The following AHCTF1 variants were observed in gnomAD, a reference collection of about 807,000 sequenced individuals.
The protein encoded by AHCTF1 is AT-hook containing transcription factor 1, also known as protein ELYS.
A neutral mutation model predicts 248.4 loss-of-function variants in AHCTF1; 24 were observed. That is an observed-to-expected ratio of 0.10 (90% CI 0.07 to 0.14). The LOEUF is 0.14. AHCTF1 is among the 10% of genes least tolerant of loss of function. AHCTF1 has a pLI of 1.00. For missense variants in AHCTF1, 2,206 were observed against 2,636.2 expected (o/e 0.84, Z 3.57); for synonymous variants, 786 against 929.8 (o/e 0.85, Z 2.81).
Position 246,877,042 on chromosome 1 carries a change from G to T in AHCTF1, c.2845C>A (p.Gln949Lys). The T allele has an allele frequency of 6.2e-7, 1 of 1,612,138 alleles. No homozygotes were observed. The highest frequency in any genetic ancestry group is 1.1e-5 in the South Asian group (1 of 90,982). The change falls in exon 23 of 36, where the codon CAG becomes AAG. Residue 949 changes from glutamine to lysine, a missense_variant. Gln to Lys is a moderately conservative substitution (Grantham distance 53, BLOSUM62 1). Around this residue, in one of 6 missense-constraint regions of AHCTF1, gnomAD observed 955 missense variants for 1,055.6 expected, o/e 0.90. Coordinates refer to ENST00000648844, the MANE Select transcript of AHCTF1 (RefSeq NM_001323342.2). ...VKFLQSSASV[Q>K]NHEFLLVHHL... ...TGCACTAAAAGGAATTCATGATTCT[G>T]AACGCTGGCACTGGACTGCAAAAAT...
chr1:246,922,076 A>G (rs1315723737), intron 1 of AHCTF1, among the ~76,000 whole-genome samples: 1 of 152,202 alleles, frequency 6.6e-6, no homozygotes, highest in Non-Finnish European at 1.5e-5. Flanking sequence ...AAACATATAC[A>G]GGGCTGGGCA....
At chr1:246,931,517 C>T (rs948899901) in intron 1 of AHCTF1, 61 bp downstream of exon 1, 6 of 398,388 alleles carry the variant, frequency 1.5e-5, no homozygotes, top group African/African-American at 2.3e-5. Context: ...CGCCGCGGGT[C>T]CAGGCCGCGC....
At chr1:246,917,633 G>A (rs1394618654) in intron 2 of AHCTF1, among the ~76,000 whole-genome samples, 2 of 152,320 alleles carry the variant, frequency 1.3e-5, no homozygotes, top group East Asian at 3.9e-4. Context: ...ACATTCAAGA[G>A]AATGGCGCTG....
chr1:246,910,675 C>A (rs544247738), intron 4 of AHCTF1, among the ~76,000 whole-genome samples: 19 of 152,224 alleles, frequency 1.2e-4, no homozygotes, highest in Admixed American at 4.6e-4. Flanking sequence ...AACCACTGTG[C>A]AAGAGCAGAT....
chr1:246,885,734 A>G, intron 20 of AHCTF1, 54 bp from the exon 21 acceptor site: 18 of 1,483,502 alleles, frequency 1.2e-5, no homozygotes, highest in East Asian at 2.5e-5. Context: ...ACATTTAGAC[A>G]AAGTAGGTAA....
chr1:246,916,459 G>A (rs1244633857), intron 2 of AHCTF1, 64 bp from the exon 3 acceptor site: 2 of 1,421,112 alleles, frequency 1.4e-6, no homozygotes, highest in Non-Finnish European at 1.9e-6. Flanking sequence ...ATAACGGTTA[G>A]CTCATTTACA....
At position 246,864,269 on chromosome 1, in the gene AHCTF1, T is replaced by C. The variant is rs1005734143; in HGVS notation, c.3348-153A>G. 1.1e-4 allele frequency: 81 copies of C among 750,406 alleles called. No homozygotes were observed. In the African/African-American group the frequency reaches 1.2e-3, roughly 11 times the overall value. The allele number at this position is 750,406 out of a possible 1,614,324, so 46.5% of individuals were successfully genotyped here. ...ATGTAATCCAAAGTGCTACCATGCA[T>C]TCAAAAAGTCAGAAAATTATTCATC... is the stretch of plus-strand genomic sequence containing the variant. On this transcript the variant is annotated intron_variant, in intron 26 of 35. Transcript: ENST00000648844.
chr1:246,867,771 A>G lies in AHCTF1; in HGVS notation c.3129T>C (p.Val1043=), dbSNP rs1662092603. Residue 1043 remains valine (V), a synonymous_variant, in exon 25 of 36, where the codon GTT becomes GTC. Coordinates refer to ENST00000648844, the MANE Select transcript of AHCTF1 (RefSeq NM_001323342.2). ...PKPLSAVPKQ[V]VTGTVLTRSV... Reference sequence around the variant, plus strand: ...ATCTTGTCAACACAGTTCCTGTTACAACTTGCTTTGGAACTGCTGATAATG... The same window carrying G: ...ATCTTGTCAACACAGTTCCTGTTACGACTTGCTTTGGAACTGCTGATAATG... 2 of 1,612,822 alleles carry G rather than the reference A, an allele frequency of 1.2e-6. No individual in the cohort carries two copies. The highest frequency in any genetic ancestry group is 1.7e-6 in the Non-Finnish European group (2 of 1,179,392).
intron 2 of AHCTF1, among the ~76,000 whole-genome samples, chr1:246,917,849 C>T (rs535063943): frequency 6.6e-6 from 1 of 152,086 alleles, no homozygotes. Flanking sequence ...AATCAGAAAA[C>T]GAGATTTTCT....
intron 23 of AHCTF1, 68 bp from the exon 24 acceptor site, chr1:246,876,255 C>T (rs1167240020): frequency 2.3e-6 from 3 of 1,322,502 alleles, no homozygotes; most frequent in African/African-American, 1.5e-5. Flanking sequence ...TCTATATTTA[C>T]CATTTAAAAT....
intron 6 of AHCTF1, among the ~76,000 whole-genome samples, chr1:246,904,342 A>T (rs1453383156): frequency 6.6e-6 from 1 of 152,176 alleles, no homozygotes; most frequent in Non-Finnish European, 1.5e-5. Context: ...ACTCTACTTA[A>T]ACACATGGTT....
rs559302152 is a variant in AHCTF1 at position 246,891,219 on chromosome 1, T to C, written c.1946-159A>G. ...TATGTATCTCTCTTGAACTAATTCA[T>C]CTTTGTATTTAGTTTACTTTGGTCC... On this transcript the variant is annotated intron_variant, in intron 15 of 35. Coordinates refer to ENST00000648844, the MANE Select transcript of AHCTF1 (RefSeq NM_001323342.2). Among the ~76,000 whole-genome samples the C allele has an allele frequency of 3.9e-5, 6 of 152,330 alleles. No individual in the cohort carries two copies. The East Asian group carries it at 9.6e-4, about 24-fold the overall frequency.
intron 4 of AHCTF1, among the ~76,000 whole-genome samples, chr1:246,910,570 T>C (rs74951703): frequency 0.27 from 40,962 of 152,088 alleles, 5,687 homozygotes; most frequent in Admixed American, 0.31. Flanking sequence ...ATTTGGGTGA[T>C]GGGTTTATGG....
At chr1:246,916,501 C>T (rs1196671939) in intron 2 of AHCTF1, 106 bp from the exon 3 acceptor site, 1 of 968,690 alleles carries the variant, frequency 1.0e-6, no homozygotes, top group Non-Finnish European at 1.5e-6. Context: ...TAAAACTTTA[C>T]ATATTATCTC....
At chr1:246,887,395 A>G in intron 19 of AHCTF1, 38 bp from the exon 20 acceptor site, 1 of 1,566,928 alleles carries the variant, frequency 6.4e-7, no homozygotes, top group Non-Finnish European at 8.7e-7. Context: ...AAATACAACA[A>G]CAAAAACCTC....
chr1:246,918,058 C>A (rs1352533133), intron 2 of AHCTF1, among the ~76,000 whole-genome samples, 192 bp downstream of exon 2: 1 of 152,020 alleles, frequency 6.6e-6, no homozygotes, highest in South Asian at 2.1e-4. Flanking sequence ...TATAACCCCC[C>A]CAATCAGAGG....
intron 2 of AHCTF1, among the ~76,000 whole-genome samples, chr1:246,917,770 T>A (rs1203504973): frequency 6.6e-6 from 1 of 152,196 alleles, no homozygotes; most frequent in Non-Finnish European, 1.5e-5. Context: ...GAGAAAGCCT[T>A]CTTTAGTATG....
chr1:246,857,865 A>G lies in AHCTF1; in HGVS notation c.4133-51T>C, dbSNP rs1204047246. 4 of 1,519,668 alleles carry G rather than the reference A, an allele frequency of 2.6e-6. No individual in the cohort carries two copies. In the South Asian group the frequency reaches 3.6e-5, roughly 14 times the overall value. 94.1% of individuals were successfully genotyped at this position (1,519,668 alleles called of 1,614,324 possible). A position where few individuals can be genotyped will look rare whatever the true frequency, so the allele number is the denominator to read the frequency against. ...TATTTATGCTAAATATTTAGTGATT[A>G]CTGATAGTCTTGCATTATTACTTTT... On this transcript the variant is annotated intron_variant, in intron 29 of 35. Transcript: ENST00000648844.
chr1:246,878,396 CAAAAAAAA>C (rs1199465751), intron 21 of AHCTF1, among the ~76,000 whole-genome samples: 1,355 of 30,712 alleles, frequency 0.044, 20 homozygotes, highest in Non-Finnish European at 0.061. Flanking sequence ...GATTCTGTCT[CAAAAAAAA>C]AAAAAAAAAA....
Sources: allele counts gnomAD v4.1 joint callset (sites outside exome capture counted in the v4.1 genomes callset), GRCh38; gene constraint gnomAD v4.1.1; regional missense constraint gnomAD v4.1.1; transcripts MANE v1.5; gene names NCBI Gene and HGNC (gene_info 2026-07-23, HGNC 2026-07-21).